CCDC57: variants seen among roughly 807,000 people sequenced by gnomAD.
CCDC57 encodes the protein coiled-coil domain-containing protein 57.
Under a neutral mutation model 118.9 loss-of-function variants are expected in CCDC57, and 118 were observed. The ratio of observed to expected loss-of-function variants is 0.99; its 90% CI spans 0.86 to 1.16. CCDC57 has a LOEUF of 1.16. CCDC57 is among the 50% of genes most tolerant of loss of function. The pLI, the probability that CCDC57 is intolerant of heterozygous loss-of-function variation, is 0.00. For synonymous variants in CCDC57, 527 were observed against 532.9 expected (o/e 0.99, Z 0.15); for missense variants, 1,300 against 1,320.7 (o/e 0.98, Z 0.24).
chr17:82,122,965 A>T (rs1320585989), intron 19 of CCDC57, among the ~76,000 whole-genome samples: 3 of 152,126 alleles, frequency 2.0e-5, no homozygotes, highest in Admixed American at 2.0e-4. Flanking sequence ...GCCGGGAAGG[A>T]TTGAATGAAA....
At chr17:82,189,795 G>A (rs909420805) in intron 7 of CCDC57, among the ~76,000 whole-genome samples, 1 of 152,122 alleles carries the variant, frequency 6.6e-6, no homozygotes, top group African/African-American at 2.4e-5. Context: ...AGAGGTTGCA[G>A]TGACCCGAGA....
At chr17:82,184,072 C>CACACACACAT in intron 8 of CCDC57, 140 bp from the exon 8 acceptor site, 1 of 596,394 alleles carries the variant, frequency 1.7e-6, no homozygotes, top group Non-Finnish European at 3.0e-6. Context: ...CACACACACA[C>CACACACACAT]ACACACACAC....
At chr17:82,120,540 G>T (rs1036294727) in intron 19 of CCDC57, among the ~76,000 whole-genome samples, 11 of 152,186 alleles carry the variant, frequency 7.2e-5, no homozygotes, top group African/African-American at 2.7e-4. Flanking sequence ...CACCAACGCA[G>T]TTTCCAAGGT....
chr17:82,185,360 G>T (rs1204188859), intron 8 of CCDC57, among the ~76,000 whole-genome samples: 3 of 151,632 alleles, frequency 2.0e-5, no homozygotes, highest in African/African-American at 7.3e-5. Flanking sequence ...GCTCATGCCT[G>T]TAATGCCAGC....
intron 19 of CCDC57, among the ~76,000 whole-genome samples, chr17:82,125,594 T>G (rs1470172288): frequency 6.6e-6 from 1 of 152,116 alleles, no homozygotes; most frequent in Non-Finnish European, 1.5e-5. Flanking sequence ...CAGGCTGGTC[T>G]TGAACTCCTG....
At chr17:82,181,513 C>T (rs538144228) in intron 9 of CCDC57, among the ~76,000 whole-genome samples, 3 of 152,300 alleles carry the variant, frequency 2.0e-5, no homozygotes, top group Admixed American at 6.5e-5. Flanking sequence ...ACCAGATGCT[C>T]GCCAACATCA....
chr17:82,188,110 G>A (rs978339821), intron 8 of CCDC57, 109 bp downstream of exon 7: 26 of 865,054 alleles, frequency 3.0e-5, no homozygotes, highest in Non-Finnish European at 3.8e-5. Context: ...AAGCCACTCT[G>A]TCTGCTGCCT....
At chr17:82,140,354 G>A (rs538771594) in intron 16 of CCDC57, among the ~76,000 whole-genome samples, 1 of 152,152 alleles carries the variant, frequency 6.6e-6, no homozygotes, top group Admixed American at 6.5e-5. Flanking sequence ...CCAAAGTGCT[G>A]GGATTACAGG....
At position 82,197,653 on chromosome 17, in the gene CCDC57, C is replaced by T. The variant is rs573552961; in HGVS notation, c.516+661G>A. On this transcript the variant is annotated intron_variant, in intron 4 of 19. Coordinates refer to ENST00000665763, the Ensembl canonical transcript of CCDC57. ...TGTCAAATGACTGGGCTACGGGCTG[C>T]CCGGATAGCTGGTAAAAAATTATTT... is the stretch of plus-strand genomic sequence containing the variant. 2.8e-4 allele frequency among the ~76,000 whole-genome samples: 43 copies of T among 152,250 alleles called. No homozygotes were observed. The South Asian group carries it at 8.9e-3, about 32-fold the overall frequency.
At chr17:82,114,780 C>G (rs1449610129) in intron 19 of CCDC57, among the ~76,000 whole-genome samples, 1 of 152,252 alleles carries the variant, frequency 6.6e-6, no homozygotes, top group African/African-American at 2.4e-5. Context: ...GCTGGAGGGC[C>G]ACCTGTGGGG....
intron 16 of CCDC57, among the ~76,000 whole-genome samples, chr17:82,142,056 C>T (rs1340951269): frequency 6.6e-6 from 1 of 152,114 alleles, no homozygotes; most frequent in Non-Finnish European, 1.5e-5. Context: ...CTTTTTTGAC[C>T]TTTCCTTGGA....
At chr17:82,197,192 G>A (rs2048422391) in intron 4 of CCDC57, among the ~76,000 whole-genome samples, 2 of 145,676 alleles carry the variant, frequency 1.4e-5, no homozygotes, top group South Asian at 2.2e-4. Flanking sequence ...CTGCAGAGAC[G>A]CAGCCCCTCA....
At chr17:82,150,848 G>C (rs2041879051) in intron 16 of CCDC57, among the ~76,000 whole-genome samples, 1 of 122,304 alleles carries the variant, frequency 8.2e-6, no homozygotes. Flanking sequence ...CCCGCACCCA[G>C]AACCAGGCGC....
At chr17:82,124,969 G>A (rs2037219911) in intron 19 of CCDC57, among the ~76,000 whole-genome samples, 1 of 152,202 alleles carries the variant, frequency 6.6e-6, no homozygotes. Context: ...AAAATGCAAG[G>A]AGGCGGTGCC....
At chr17:82,182,239 G>A (rs1409357987) in intron 9 of CCDC57, among the ~76,000 whole-genome samples, 2 of 148,834 alleles carry the variant, frequency 1.3e-5, no homozygotes, top group Admixed American at 6.7e-5. Flanking sequence ...GTGCTTTCTT[G>A]AAGATACATG....
rs774016035 is a variant in CCDC57 at position 82,172,786 on chromosome 17, C to T, written c.1581G>A (p.Gln527=). The change falls in exon 12 of 20, where the codon CAG becomes CAA. Residue 527 remains glutamine (Q), a synonymous_variant. Transcript: ENST00000665763. This position sits in a 1 kb window ranked among gnomAD's most constrained non-coding sequence, Gnocchi z 5.2. ...CAATCGCGTTTCGCAAGCTCGTGTT[C>T]TGCTCTCGGAGCCGCTGGATCTCAC... is the stretch of plus-strand genomic sequence containing the variant. The T allele has an allele frequency of 7.4e-6, 12 of 1,613,374 alleles. No homozygotes were observed. The highest frequency in any genetic ancestry group is 5.3e-5 in the African/African-American group (4 of 74,932).
intron 9 of CCDC57, among the ~76,000 whole-genome samples, chr17:82,182,445 C>G (rs1215382542): frequency 6.6e-6 from 1 of 151,936 alleles, no homozygotes; most frequent in East Asian, 1.9e-4. Flanking sequence ...CCTCCGCCTC[C>G]TGGGTTCAAG....
chr17:82,185,489 C>T (rs550380759), intron 8 of CCDC57, among the ~76,000 whole-genome samples: 1 of 149,318 alleles, frequency 6.7e-6, no homozygotes, highest in East Asian at 2.0e-4. Context: ...TGTGGTGGCA[C>T]GCACCTGTAG....
At chr17:82,178,480 C>A (rs1225106066) in exon 11 of CCDC57, 2 of 1,608,984 alleles carry the variant, frequency 1.2e-6, no homozygotes, top group African/African-American at 1.3e-5. Context: ...TCACCTGTGC[C>A]CCTGGTCTGG....
Sources: gnomAD v4.1 joint callset for allele counts (sites outside exome capture counted in the v4.1 genomes callset) on GRCh38, gnomAD v4.1.1 for gene constraint, Gnocchi (gnomAD v3.1) non-coding constraint, MANE v1.5 for transcripts, NCBI Gene and HGNC (gene_info 2026-07-23, HGNC 2026-07-21) for gene names.